TMEM181: variants seen among roughly 807,000 people sequenced by gnomAD.
TMEM181 encodes the protein transmembrane protein 181, also known as G protein-coupled receptor 178.
Under a neutral mutation model 71.9 loss-of-function variants are expected in TMEM181, and 39 were observed. The observed-to-expected ratio is 0.54, with a 90% CI of 0.42 to 0.71. The LOEUF is 0.71. TMEM181 is among the 30% of genes least tolerant of loss of function. The probability of loss-of-function intolerance (pLI) is 0.00; values close to 1 mark genes in which losing one functional copy is unlikely to be tolerated. For synonymous variants in TMEM181, 245 were observed against 228.8 expected, an observed-to-expected ratio of 1.07 and a Z score of -0.64; for missense variants, 595 against 583.0, an observed-to-expected ratio of 1.02 and a Z score of -0.21.
intron 1 of TMEM181, among the ~76,000 whole-genome samples, chr6:158,562,159 C>T (rs1782217042): frequency 6.6e-6 from 1 of 152,172 alleles, no homozygotes; most frequent in Non-Finnish European, 1.5e-5. Flanking sequence ...TCTCATTCGG[C>T]CCAGCCTGCT....
chr6:158,612,510 A>G (rs944322159), intron 10 of TMEM181, among the ~76,000 whole-genome samples: 5 of 152,230 alleles, frequency 3.3e-5, no homozygotes, highest in Admixed American at 6.5e-5. Flanking sequence ...GGGTAAAAAC[A>G]TTAGTCCTAG....
At chr6:158,600,877 TA>T (rs1186811322) in intron 6 of TMEM181, among the ~76,000 whole-genome samples, 1 of 152,192 alleles carries the variant, frequency 6.6e-6, no homozygotes, top group Non-Finnish European at 1.5e-5. Flanking sequence ...TTTTCTTTCT[TA>T]AGAGTTACGG....
chr6:158,557,580 T>C (rs1296803916), upstream of TMEM181, among the ~76,000 whole-genome samples: 1 of 152,018 alleles, frequency 6.6e-6, no homozygotes, highest in Admixed American at 6.5e-5. Flanking sequence ...TGCAGTGGCG[T>C]GATCTTGGCT....
intron 1 of TMEM181, among the ~76,000 whole-genome samples, chr6:158,566,541 G>A (rs1259601746): frequency 2.7e-5 from 4 of 146,584 alleles, no homozygotes; most frequent in African/African-American, 1.0e-4. Flanking sequence ...GGAGGTGATG[G>A]GGTGGAGGGA....
At chr6:158,610,734 T>C in intron 10 of TMEM181, 1 of 297,712 alleles carries the variant, frequency 3.4e-6, no homozygotes, top group East Asian at 7.0e-5. Context: ...GAAGAATCAC[T>C]CAGGCACTCG....
intron 2 of TMEM181, among the ~76,000 whole-genome samples, chr6:158,576,801 G>T (rs1313386686): frequency 6.6e-6 from 1 of 152,114 alleles, no homozygotes; most frequent in African/African-American, 2.4e-5. Flanking sequence ...GGTGGCTCAT[G>T]CCTGTAATCC....
intron 16 of TMEM181, 102 bp from the exon 17 acceptor site, chr6:158,631,708 G>A (rs557488468): frequency 4.4e-4 from 588 of 1,323,618 alleles, no homozygotes; most frequent in Non-Finnish European, 5.6e-4. Context: ...TTGAAAGAGC[G>A]AAGCTATGAT....
Position 158,617,394 on chromosome 6 carries a change from G to A in TMEM181, c.897-6156G>A, listed in dbSNP as rs142094718. Among the ~76,000 whole-genome samples, 270 of 151,468 alleles carry A rather than the reference G, an allele frequency of 1.8e-3. 1 individual carries two copies. Among genetic ancestry groups the A allele is most frequent in the African/African-American group, 6.1e-3 (253 of 41,320 alleles). ...TCTCTTCTTTATTAATCTTGCTAGC[G>A]GTCTATTTTGTTGATCTTTTCAAAA... On this transcript the variant is annotated intron_variant, in intron 10 of 16. Coordinates refer to ENST00000684151, the MANE Select transcript of TMEM181 (RefSeq NM_001376852.1).
chr6:158,611,353 C>T (rs1031275623), intron 10 of TMEM181: 1 of 527,924 alleles, frequency 1.9e-6, no homozygotes, highest in Admixed American at 2.0e-5. Context: ...GACAGCCTCT[C>T]CCTTCCTTTT....
chr6:158,547,142 C>T (rs192244637), intron 1 of TMEM181, among the ~76,000 whole-genome samples: 56 of 152,198 alleles, frequency 3.7e-4, no homozygotes, highest in Middle Eastern at 3.4e-3. Flanking sequence ...ATTAGCTGGC[C>T]GTGGTGGCAT....
At chr6:158,601,782 TA>T (rs1477880677) in intron 6 of TMEM181, among the ~76,000 whole-genome samples, 5 of 148,584 alleles carry the variant, frequency 3.4e-5, no homozygotes, top group African/African-American at 1.2e-4. Flanking sequence ...AAAACAAGGC[TA>T]AAAGGATACA....
intron 6 of TMEM181, 152 bp from the exon 7 acceptor site, chr6:158,605,115 A>C: frequency 9.9e-6 from 1 of 101,052 alleles, no homozygotes. Flanking sequence ...CTCCATATCC[A>C]AAAAAAAAAA....
chr6:158,615,347 CT>C (rs758452545), intron 10 of TMEM181, among the ~76,000 whole-genome samples: 2 of 152,100 alleles, frequency 1.3e-5, no homozygotes, highest in African/African-American at 4.8e-5. Flanking sequence ...TTGATGCTTT[CT>C]TGTAAATTTA....
Position 158,608,297 on chromosome 6 carries a change from T to C in TMEM181, c.674-36T>C, listed in dbSNP as rs763233227. 9 of 1,613,122 alleles carry C rather than the reference T, an allele frequency of 5.6e-6. No homozygotes were observed. The African/African-American group carries it at 1.1e-4, about 19-fold the overall frequency. ...GCTGTCTGCCAGGTGCTGGCGGGCC[T>C]GTTTTCCACATGGATTTCTGCCCTT... On this transcript the variant is annotated intron_variant, in intron 8 of 16. Coordinates refer to ENST00000684151, the MANE Select transcript of TMEM181 (RefSeq NM_001376852.1).
rs967247483 is a variant in TMEM181, at chr6:158,560,195, G to A, written c.-30G>A. 11 of 984,768 alleles carry A rather than the reference G, an allele frequency of 1.1e-5. No homozygotes were observed. Among genetic ancestry groups the A allele is most frequent in the African/African-American group, 1.7e-5 (1 of 57,172 alleles). 61.0% of individuals were successfully genotyped at this position (984,768 alleles called of 1,614,324 possible). Reference sequence around the variant, plus strand: ...GGCGCCTGGCGGGCTCGGGACGCGCGGGCCGGGGCCGAGGGCTCTGGGCGC... The same window carrying A: ...GGCGCCTGGCGGGCTCGGGACGCGCAGGCCGGGGCCGAGGGCTCTGGGCGC... On this transcript the variant is annotated 5_prime_UTR_variant, in exon 1 of 17. Transcript: ENST00000684151.
chr6:158,593,061 C>T (rs1481946861), intron 6 of TMEM181, among the ~76,000 whole-genome samples: 4 of 152,176 alleles, frequency 2.6e-5, no homozygotes, highest in Non-Finnish European at 5.9e-5. Flanking sequence ...GTATAAAAGC[C>T]TCTACTTCCA....
chr6:158,567,100 C>T (rs976911424), intron 1 of TMEM181, among the ~76,000 whole-genome samples: 5 of 152,170 alleles, frequency 3.3e-5, no homozygotes, highest in African/African-American at 4.8e-5. Flanking sequence ...CCAAGGGCCC[C>T]GCGGCTCTAG....
At position 158,595,315 on chromosome 6, in the gene TMEM181, G is replaced by A. The variant is rs147500305; in HGVS notation, c.492+5533G>A. 4.6e-5 allele frequency among the ~76,000 whole-genome samples: 7 copies of A among 152,282 alleles called. No homozygotes were observed. In the East Asian group the frequency reaches 9.6e-4, roughly 21 times the overall value. On this transcript the variant is annotated intron_variant, in intron 6 of 16. Transcript: ENST00000684151. ...AACAAGCTATAATGAATAGATAGAC[G>A]CTAATGGTATTTTAGTGGTGTTACT...
At chr6:158,556,570 T>A (rs1308894017), upstream of TMEM181, among the ~76,000 whole-genome samples, 2 of 152,210 alleles carry the variant, frequency 1.3e-5, no homozygotes, top group Non-Finnish European at 2.9e-5. Context: ...GCTACAAGGA[T>A]CACTCACAAG....
Sources: allele counts gnomAD v4.1 joint callset (sites outside exome capture counted in the v4.1 genomes callset), GRCh38; gene constraint gnomAD v4.1.1; transcripts MANE v1.5; gene names NCBI Gene and HGNC (gene_info 2026-07-23, HGNC 2026-07-21).